The following NAA15 variants were observed in gnomAD, a reference collection of about 807,000 sequenced individuals.
The protein encoded by NAA15 is N-alpha-acetyltransferase 15, NatA auxiliary subunit.
A neutral mutation model predicts 114.0 loss-of-function variants in NAA15; 34 were observed. The observed-to-expected ratio is 0.30, with a 90% CI of 0.23 to 0.40. The LOEUF is 0.40. NAA15 is among the 10% of genes least tolerant of loss of function. The pLI is 1.00. For missense variants in NAA15, 658 were observed against 1,004.5 expected (o/e 0.66, Z 4.66); for synonymous variants, 340 against 338.0 (o/e 1.01, Z -0.06).
chr4:139,323,053 C>CTTTTTTTTT (rs67137305), intron 1 of NAA15, among the ~76,000 whole-genome samples: 1 of 117,484 alleles, frequency 8.5e-6, no homozygotes. Flanking sequence ...CTTTTCTTTT[C>CTTTTTTTTT]TTTTTTTTTT....
intron 1 of NAA15, 105 bp downstream of exon 1, chr4:139,301,936 C>A: frequency 7.9e-7 from 1 of 1,261,222 alleles, no homozygotes; most frequent in Non-Finnish European, 1.1e-6. Flanking sequence ...CCGCCCGGGA[C>A]CCCGCCTTCA....
intron 16 of NAA15, among the ~76,000 whole-genome samples, chr4:139,378,216 C>G (rs1430775802): frequency 6.6e-6 from 1 of 152,104 alleles, no homozygotes; most frequent in African/African-American, 2.4e-5. Context: ...GGTGGAGATA[C>G]TACTGAATCT....
At chr4:139,311,626 G>C (rs2110836682) in intron 1 of NAA15, among the ~76,000 whole-genome samples, 1 of 151,988 alleles carries the variant, frequency 6.6e-6, no homozygotes, top group Admixed American at 6.6e-5. Context: ...AGGAGAAATG[G>C]TATCAGGATT....
chr4:139,363,119 A>C (rs1270883427), intron 14 of NAA15, among the ~76,000 whole-genome samples: 2 of 152,228 alleles, frequency 1.3e-5, no homozygotes, highest in African/African-American at 4.8e-5. Context: ...TTAGAAGAAA[A>C]CACCAGTAAG....
rs117012708 is a variant in NAA15, at chr4:139,379,111, A to G, written c.2155+257A>G. 1.7e-3 allele frequency: 475 copies of G among 280,682 alleles called. 9 individuals carry two copies. In the East Asian group the frequency reaches 0.025, roughly 15 times the overall value. The allele number at this position is 280,682 out of a possible 1,614,324, so 17.4% of individuals were successfully genotyped here. On this transcript the variant is annotated intron_variant, in intron 17 of 19. Transcript: ENST00000296543. ...TTTGTTTCTGTTTCTAAAAAGTTAC[A>G]TGTAAGTTGAAATTTTGAACCATAT...
At chr4:139,313,603 C>T (rs557255906) in intron 1 of NAA15, among the ~76,000 whole-genome samples, 37 of 150,726 alleles carry the variant, frequency 2.5e-4, no homozygotes, top group African/African-American at 7.6e-4. Flanking sequence ...GTGTAGTGGC[C>T]GCGTGATCTT....
At position 139,385,270 on chromosome 4, in the gene NAA15, CAT is replaced by C. The variant is rs796143862; in HGVS notation, c.2302+304_2302+305del. ...TGTTTCAAATCAAAACAAAACCAAA[CAT>C]ATATATATATAATATATATATATAT... On this transcript the variant is annotated intron_variant, in intron 18 of 19. Coordinates refer to ENST00000296543, the MANE Select transcript of NAA15 (RefSeq NM_057175.5). Among the ~76,000 whole-genome samples, 11 of 91,784 alleles carry C rather than the reference CAT, an allele frequency of 1.2e-4. 1 individual carries two copies. The highest frequency in any genetic ancestry group is 3.4e-4 in the South Asian group (1 of 2,942). 60.2% of individuals were successfully genotyped at this position (91,784 alleles called of 152,430 possible).
intron 11 of NAA15, among the ~76,000 whole-genome samples, chr4:139,359,349 A>C (rs1748063773): frequency 6.6e-6 from 1 of 151,960 alleles, no homozygotes; most frequent in African/African-American, 2.4e-5. Flanking sequence ...GTTTGACTCG[A>C]ATTCCTGATC....
Position 139,304,214 on chromosome 4 carries a change from G to A in NAA15, c.54+2383G>A, listed in dbSNP as rs117410367. 3.9e-4 allele frequency among the ~76,000 whole-genome samples: 59 copies of A among 152,264 alleles called. No homozygotes were observed. In the East Asian group the frequency reaches 0.011, roughly 28 times the overall value. On this transcript the variant is annotated intron_variant, in intron 1 of 19. Coordinates refer to ENST00000296543, the MANE Select transcript of NAA15 (RefSeq NM_057175.5). The stretch of plus-strand genomic sequence containing the variant: ...ATTACAGGCGTCAGCCACCGCACCC[G>A]GCCAAGTGTTAGCACTTTTTAAATA...
At chr4:139,315,833 A>G (rs1746392489) in intron 1 of NAA15, among the ~76,000 whole-genome samples, 2 of 150,304 alleles carry the variant, frequency 1.3e-5, no homozygotes. Flanking sequence ...TTCATTAGTT[A>G]CCTTTATATT....
chr4:139,311,447 A>T (rs368542680), intron 1 of NAA15, among the ~76,000 whole-genome samples: 10 of 152,144 alleles, frequency 6.6e-5, no homozygotes, highest in Middle Eastern at 3.4e-3. Flanking sequence ...GGCATTACAG[A>T]GTACATTAGT....
intron 1 of NAA15, among the ~76,000 whole-genome samples, chr4:139,324,231 G>C (rs1020310893): frequency 3.9e-5 from 6 of 152,182 alleles, no homozygotes; most frequent in African/African-American, 1.4e-4. Context: ...CTATAGCAGA[G>C]TGTTAAAATT....
At chr4:139,377,533 C>T (rs551350492) in intron 16 of NAA15, among the ~76,000 whole-genome samples, 152 of 134,296 alleles carry the variant, frequency 1.1e-3, no homozygotes, top group Non-Finnish European at 2.1e-3. Context: ...AATCAAACTC[C>T]ATCTCAAAAA....
chr4:139,380,259 G>T (rs55886231), intron 17 of NAA15, among the ~76,000 whole-genome samples: 39 of 74,256 alleles, frequency 5.3e-4, no homozygotes, highest in East Asian at 3.5e-3. Context: ...TAGTTTTTTT[G>T]GGGGGGGGGA....
chr4:139,346,342 T>C (rs1271347958), intron 6 of NAA15, among the ~76,000 whole-genome samples: 1 of 152,150 alleles, frequency 6.6e-6, no homozygotes, highest in Non-Finnish European at 1.5e-5. Context: ...AAATATGTAT[T>C]GAATACCTAC....
intron 1 of NAA15, among the ~76,000 whole-genome samples, chr4:139,304,066 C>A (rs552154808): frequency 6.6e-6 from 1 of 152,132 alleles, no homozygotes; most frequent in African/African-American, 2.4e-5. Context: ...TACAGGTGCC[C>A]GCCACCACGC....
intron 2 of NAA15, among the ~76,000 whole-genome samples, chr4:139,334,531 T>A (rs1438213299): frequency 6.6e-6 from 1 of 152,206 alleles, no homozygotes; most frequent in Non-Finnish European, 1.5e-5. Flanking sequence ...ACTTTAGAAC[T>A]TTGGTTGAGC....
intron 6 of NAA15, 147 bp from the exon 7 acceptor site, chr4:139,349,315 G>T: frequency 1.6e-6 from 1 of 610,544 alleles, no homozygotes; most frequent in Non-Finnish European, 2.7e-6. Context: ...CTTGGTAAAT[G>T]ATCTTAAGGG....
chr4:139,364,929 G>T (rs1413966968), intron 14 of NAA15, among the ~76,000 whole-genome samples: 1 of 152,160 alleles, frequency 6.6e-6, no homozygotes, highest in East Asian at 1.9e-4. Flanking sequence ...ATGTCTTCTG[G>T]TATGGTTAGA....
Sources: gnomAD v4.1 joint callset for allele counts (sites outside exome capture counted in the v4.1 genomes callset) on GRCh38, gnomAD v4.1.1 for gene constraint, MANE v1.5 for transcripts, NCBI Gene and HGNC (gene_info 2026-07-23, HGNC 2026-07-21) for gene names.